Variants in LRRTM4 observed in about 807,000 individuals in gnomAD.
The protein encoded by LRRTM4 is leucine rich repeat transmembrane neuronal 4, also known as leucine-rich repeat transmembrane neuronal protein 4.
LRRTM4 carries 25 observed loss-of-function variants against 47.6 expected under a neutral mutation model. The observed-to-expected ratio is 0.53, with a 90% CI of 0.38 to 0.73. The LOEUF is 0.73. Ranked by LOEUF, LRRTM4 falls within the 30% of genes least tolerant of loss-of-function variation. The probability of loss-of-function intolerance (pLI) is 0.00; values close to 1 mark genes in which losing one functional copy is unlikely to be tolerated. For missense variants in LRRTM4, 638 were observed against 713.4 expected, an observed-to-expected ratio of 0.89 and a Z score of 1.20; for synonymous variants, 311 against 269.5, an observed-to-expected ratio of 1.15 and a Z score of -1.51.
At chr2:76,826,330 G>A (rs79109738) in intron 3 of LRRTM4, among the ~76,000 whole-genome samples, 4,015 of 151,588 alleles carry the variant, frequency 0.026, 180 homozygotes, top group African/African-American at 0.078. Flanking sequence ...GAAACAGCTG[G>A]TTTTGAAGCT....
At chr2:76,977,858 A>C (rs978947465) in intron 3 of LRRTM4, among the ~76,000 whole-genome samples, 3 of 152,050 alleles carry the variant, frequency 2.0e-5, no homozygotes, top group East Asian at 1.9e-4. Flanking sequence ...ATTAGGGCAT[A>C]AACTTCTTTT....
At chr2:77,144,335 A>T (rs1040298366) in intron 3 of LRRTM4, among the ~76,000 whole-genome samples, 2 of 152,142 alleles carry the variant, frequency 1.3e-5, no homozygotes, top group African/African-American at 4.8e-5. Context: ...CCAAGGCCAC[A>T]GACCTTTTCT....
chr2:76,784,159 T>TAC (rs1364145749), intron 3 of LRRTM4, among the ~76,000 whole-genome samples: 1 of 152,142 alleles, frequency 6.6e-6, no homozygotes, highest in African/African-American at 2.4e-5. Flanking sequence ...GTAATTGTAT[T>TAC]ACACACACAA....
intron 3 of LRRTM4, among the ~76,000 whole-genome samples, chr2:77,501,051 G>A (rs2104075914): frequency 6.6e-6 from 1 of 151,110 alleles, no homozygotes; most frequent in Non-Finnish European, 1.5e-5. Context: ...TCTAGAATAT[G>A]GTTCCGGAGA....
chr2:77,386,307 T>A (rs568050780), intron 3 of LRRTM4, among the ~76,000 whole-genome samples: 2 of 152,204 alleles, frequency 1.3e-5, no homozygotes, highest in African/African-American at 4.8e-5. Context: ...TAAGGAACAA[T>A]ATTACCTCTT....
At chr2:77,137,622 C>T (rs1320516516) in intron 3 of LRRTM4, among the ~76,000 whole-genome samples, 1 of 152,026 alleles carries the variant, frequency 6.6e-6, no homozygotes, top group Non-Finnish European at 1.5e-5. Flanking sequence ...TCACACATAA[C>T]AATATTAACC....
chr2:76,938,423 T>C (rs932582712), intron 3 of LRRTM4, among the ~76,000 whole-genome samples: 1 of 152,170 alleles, frequency 6.6e-6, no homozygotes, highest in African/African-American at 2.4e-5. Context: ...TTATAATGAT[T>C]CTTTTAGAGT....
At chr2:77,265,681 G>A (rs1676032062) in intron 3 of LRRTM4, among the ~76,000 whole-genome samples, 1 of 152,102 alleles carries the variant, frequency 6.6e-6, no homozygotes, top group African/African-American at 2.4e-5. Flanking sequence ...AGTGTACTAT[G>A]AGATTTTACA....
chr2:76,847,184 A>C (rs148501260), intron 3 of LRRTM4, among the ~76,000 whole-genome samples: 4 of 152,234 alleles, frequency 2.6e-5, no homozygotes, highest in Non-Finnish European at 5.9e-5. Context: ...GTGAAATTAT[A>C]TCTTTTGGTC....
intron 3 of LRRTM4, among the ~76,000 whole-genome samples, chr2:76,935,162 T>C (rs1014726660): frequency 4.6e-5 from 7 of 152,150 alleles, no homozygotes; most frequent in Non-Finnish European, 8.8e-5. Context: ...GTAGTGTAAG[T>C]AATGGGACAC....
intron 3 of LRRTM4, among the ~76,000 whole-genome samples, chr2:77,069,233 G>T (rs1680066396): frequency 6.6e-6 from 1 of 151,974 alleles, no homozygotes; most frequent in Admixed American, 6.6e-5. Context: ...CGACCGAGTT[G>T]GTCTCATCAG....
rs1471854295 is a variant in LRRTM4 at position 77,522,129 on chromosome 2, G to A, written c.-168C>T. ...AATACCTGGCATTCCTTATTGTGCT[G>A]GCTTTTGCCATTCCCAGATAAAGCA... is the stretch of plus-strand genomic sequence containing the variant. On this transcript the variant is annotated 5_prime_UTR_variant, in exon 1 of 4. Transcript: ENST00000409884. The A allele has an allele frequency of 1.4e-6, 1 of 716,092 alleles. No individual in the cohort carries two copies. The allele number at this position is 716,092 out of a possible 1,614,324, so 44.4% of individuals were successfully genotyped here. A position where few individuals can be genotyped will look rare whatever the true frequency, so the allele number is the denominator to read the frequency against.
intron 3 of LRRTM4, among the ~76,000 whole-genome samples, chr2:76,807,445 C>CATATATATATACATATATATACAT (rs1670541084): frequency 2.9e-5 from 2 of 69,308 alleles, no homozygotes; most frequent in African/African-American, 1.8e-4. Flanking sequence ...TACGTATATA[C>CATATATATATACATATATATACAT]ATATATATAT....
chr2:77,141,706 G>A (rs1405006890), intron 3 of LRRTM4, among the ~76,000 whole-genome samples: 1 of 152,166 alleles, frequency 6.6e-6, no homozygotes, highest in African/African-American at 2.4e-5. Context: ...TTTCTGAAAT[G>A]AGTTGCTAAA....
intron 3 of LRRTM4, among the ~76,000 whole-genome samples, chr2:77,368,484 T>G (rs1344067716): frequency 6.6e-6 from 1 of 151,804 alleles, no homozygotes; most frequent in Non-Finnish European, 1.5e-5. Context: ...CTTCATTTAA[T>G]CCTCATAATA....
At chr2:77,250,121 A>G (rs1055876359) in intron 3 of LRRTM4, among the ~76,000 whole-genome samples, 3 of 152,202 alleles carry the variant, frequency 2.0e-5, no homozygotes, top group Admixed American at 2.0e-4. Flanking sequence ...AAAAAGCAAG[A>G]TTATGGAGAT....
intron 3 of LRRTM4, among the ~76,000 whole-genome samples, chr2:76,756,851 T>C (rs1170601531): frequency 6.6e-6 from 1 of 152,090 alleles, no homozygotes; most frequent in East Asian, 1.9e-4. Context: ...TGAATGAAAA[T>C]AGAAACAATT....
At chr2:76,942,302 C>G (rs1432775742) in intron 3 of LRRTM4, among the ~76,000 whole-genome samples, 2 of 152,086 alleles carry the variant, frequency 1.3e-5, no homozygotes, top group Non-Finnish European at 2.9e-5. Context: ...TGCAGAAACT[C>G]TTTAGCTTAA....
intron 3 of LRRTM4, among the ~76,000 whole-genome samples, chr2:77,086,035 T>C (rs887059424): frequency 1.4e-4 from 22 of 152,164 alleles, no homozygotes; most frequent in Non-Finnish European, 3.1e-4. Flanking sequence ...AATTCAATTT[T>C]AAAAATATCC....
Sources: allele counts gnomAD v4.1 joint callset (sites outside exome capture counted in the v4.1 genomes callset), GRCh38; gene constraint gnomAD v4.1.1; transcripts MANE v1.5; gene names NCBI Gene and HGNC (gene_info 2026-07-23, HGNC 2026-07-21).